Variants in UPRT observed in about 807,000 individuals in gnomAD.
UPRT encodes the protein RP11-311P8.3.
In UPRT, 5 loss-of-function variants were observed where a neutral mutation model predicts 22.6. That is an observed-to-expected ratio of 0.22 (90% confidence interval 0.12 to 0.47). The LOEUF (loss-of-function observed/expected upper bound fraction) is 0.47, where lower values mean the gene tolerates loss of function less well. UPRT is among the 20% of genes least tolerant of loss of function. The pLI, the probability that UPRT is intolerant of heterozygous loss-of-function variation, is 0.99. For missense variants in UPRT, 181 were observed against 239.9 expected, an observed-to-expected ratio of 0.75 and a Z score of 1.62; for synonymous variants, 77 against 87.7, an observed-to-expected ratio of 0.88 and a Z score of 0.68.
chrX:75,230,724 GCAGGTCCTAGTAT>G (rs2082435678), intron 4 of UPRT, among the ~76,000 whole-genome samples: 1 of 111,783 alleles, frequency 8.9e-6, no homozygotes, highest in East Asian at 2.8e-4. Flanking sequence ...TTCCACTGGA[GCAGGTCCTAGTAT>G]CTGTGGCTGG....
chrX:75,223,651 A>G (rs2082416137), intron 4 of UPRT, among the ~76,000 whole-genome samples: 1 of 111,468 alleles, frequency 9.0e-6, no homozygotes, highest in Non-Finnish European at 1.9e-5. Context: ...AAGTCCCACA[A>G]TCACTGCAGT....
chrX:75,193,816 C>A (rs1462138416), intron 4 of UPRT, among the ~76,000 whole-genome samples: 1 of 111,289 alleles, frequency 9.0e-6, no homozygotes, highest in African/African-American at 3.3e-5. Flanking sequence ...CTGTGAGGTT[C>A]TTTCTTATAA....
intron 4 of UPRT, among the ~76,000 whole-genome samples, chrX:75,179,213 C>T (rs28816117): frequency 4.6e-4 from 49 of 106,690 alleles, no homozygotes; most frequent in African/African-American, 1.8e-3. Flanking sequence ...CACAGAGTGT[C>T]GATTGGTGCA....
At chrX:75,286,351 C>A (rs2082680690) in intron 1 of UPRT, among the ~76,000 whole-genome samples, 1 of 108,677 alleles carries the variant, frequency 9.2e-6, no homozygotes, top group Non-Finnish European at 1.9e-5. Context: ...ATCTGGCAAA[C>A]CTATGCCCAA....
Position 75,186,427 on chromosome X carries a change from G to C in UPRT, c.-447+18548G>C, listed in dbSNP as rs945220838. On this transcript the variant is annotated intron_variant, in intron 4 of 13. Coordinates refer to the UPRT transcript ENST00000652605. ...TCTGTTCTTTTACATTTGCTGAGGA[G>C]AGCTTTACTTCCAATTATGTGGTCA... is the stretch of plus-strand genomic sequence containing the variant. Among the ~76,000 whole-genome samples the C allele has an allele frequency of 2.0e-4, 22 of 111,453 alleles. 1 individual carries two copies. Among genetic ancestry groups the C allele is most frequent in the Admixed American group, 1.3e-3 (14 of 10,477 alleles).
intron 4 of UPRT, among the ~76,000 whole-genome samples, chrX:75,230,868 G>C (rs2082436141): frequency 8.9e-6 from 1 of 111,994 alleles, no homozygotes; most frequent in South Asian, 3.8e-4. Context: ...AGTGCAGTCT[G>C]ACTCTTAGGA....
chrX:75,265,257 G>T (rs374408274), intron 4 of UPRT, among the ~76,000 whole-genome samples: 11 of 111,676 alleles, frequency 9.8e-5, no homozygotes, highest in East Asian at 8.4e-4. Context: ...TTCTCCTGGA[G>T]AATATCCTGC....
At chrX:75,288,755 G>A (rs769925708) in intron 1 of UPRT, among the ~76,000 whole-genome samples, 3 of 111,424 alleles carry the variant, frequency 2.7e-5, no homozygotes, top group South Asian at 3.7e-4. Context: ...AAAACTGGAA[G>A]CATTTCCCTT....
chrX:75,225,365 A>ACACACC (rs756828193), intron 4 of UPRT, among the ~76,000 whole-genome samples: 18 of 106,555 alleles, frequency 1.7e-4, no homozygotes, highest in East Asian at 8.8e-4. Context: ...ACACACACAC[A>ACACACC]CCCTAGGTGG....
chrX:75,210,291 G>A (rs1446652432), intron 4 of UPRT, among the ~76,000 whole-genome samples: 1 of 111,650 alleles, frequency 9.0e-6, no homozygotes, highest in Non-Finnish European at 1.9e-5. Context: ...TCATCCAGAT[G>A]TGTCCCCTGT....
intron 4 of UPRT, among the ~76,000 whole-genome samples, chrX:75,235,701 T>A (rs1347381357): frequency 8.9e-6 from 1 of 111,782 alleles, no homozygotes; most frequent in East Asian, 2.8e-4. Context: ...CAAAACCACA[T>A]GATTATCTCA....
chrX:75,299,658 C>T, intron 4 of UPRT, 77 bp from the exon 5 acceptor site: 2 of 992,843 alleles, frequency 2.0e-6, no homozygotes. Flanking sequence ...ATAACAGTGA[C>T]AAACTATACT....
intron 4 of UPRT, among the ~76,000 whole-genome samples, chrX:75,200,269 C>T (rs1193482802): frequency 1.8e-5 from 2 of 112,469 alleles, no homozygotes; most frequent in Non-Finnish European, 3.7e-5. Context: ...TCTTGTTATC[C>T]TGTGCTACAA....
At chrX:75,188,093 G>C (rs759102974) in intron 4 of UPRT, among the ~76,000 whole-genome samples, 30 of 112,040 alleles carry the variant, frequency 2.7e-4, no homozygotes, top group African/African-American at 9.4e-4. Context: ...GAGGAGGAGA[G>C]GTGCTCTGCT....
intron 4 of UPRT, among the ~76,000 whole-genome samples, chrX:75,195,585 G>A (rs1482880124): frequency 2.7e-5 from 3 of 112,214 alleles, no homozygotes; most frequent in African/African-American, 9.7e-5. Flanking sequence ...TGTCCATGAA[G>A]GTCGTGGGGT....
At chrX:75,172,726 T>C (rs2082231900) in intron 4 of UPRT, among the ~76,000 whole-genome samples, 1 of 110,187 alleles carries the variant, frequency 9.1e-6, no homozygotes, top group South Asian at 4.1e-4. Context: ...GCTGCAGACT[T>C]TCGCGGTGAG....
intron 4 of UPRT, among the ~76,000 whole-genome samples, chrX:75,265,630 C>T (rs997295914): frequency 1.8e-5 from 2 of 111,711 alleles, no homozygotes; most frequent in African/African-American, 6.5e-5. Flanking sequence ...TTCAAACTTC[C>T]TCCTTTAGCC....
intron 4 of UPRT, among the ~76,000 whole-genome samples, chrX:75,188,823 A>T (rs28808405): frequency 0.13 from 14,652 of 111,382 alleles, 1,008 homozygotes; most frequent in Non-Finnish European, 0.2. Flanking sequence ...TGACTAGGAA[A>T]GGGAACTCCC....
intron 6 of UPRT, among the ~76,000 whole-genome samples, chrX:75,301,714 A>G (rs985517205): frequency 8.9e-6 from 1 of 111,981 alleles, no homozygotes; most frequent in Admixed American, 9.5e-5. Context: ...GTAAATGTAA[A>G]AAAGCAGTAT....
Sources: allele counts gnomAD v4.1 joint callset (sites outside exome capture counted in the v4.1 genomes callset), GRCh38; gene constraint gnomAD v4.1.1; transcripts MANE v1.5; gene names NCBI Gene and HGNC (gene_info 2026-07-23, HGNC 2026-07-21).